SENP1: variants seen among roughly 807,000 people sequenced by gnomAD.
SENP1 encodes sentrin-specific protease 1.
A neutral mutation model predicts 93.0 loss-of-function variants in SENP1; 21 were observed. That is an observed-to-expected ratio of 0.23 (90% CI 0.16 to 0.33). The LOEUF is 0.33. Among genes scored for constraint, SENP1 ranks in the 10% least tolerant of loss-of-function variants. The pLI is 1.00. For synonymous variants in SENP1, 256 were observed against 259.6 expected, an observed-to-expected ratio of 0.99 and a Z score of 0.13; for missense variants, 591 against 758.7, an observed-to-expected ratio of 0.78 and a Z score of 2.60.
At chr12:48,097,103 T>C (rs1331287049) in intron 3 of SENP1, among the ~76,000 whole-genome samples, 4 of 152,224 alleles carry the variant, frequency 2.6e-5, no homozygotes, top group African/African-American at 7.2e-5. Flanking sequence ...ATATTTGTTA[T>C]ACAATTTAAT....
rs572826322 is a variant in SENP1 at position 48,071,521 on chromosome 12, CAGA to C, written c.995+143_995+145del. 7.7e-4 allele frequency: 407 copies of C among 531,530 alleles called. 2 individuals carry two copies. In the East Asian group the frequency reaches 0.012, roughly 15 times the overall value. The allele number at this position is 531,530 out of a possible 1,614,324, so 32.9% of individuals were successfully genotyped here. A position where few individuals can be genotyped will look rare whatever the true frequency, so the allele number is the denominator to read the frequency against. ...ATCCTAGCTACTCGGGAGGCTGAGGCAGAAGAATTGCTTGAACCAGGGAGGTGG... is the reference window on the plus strand; with the variant it reads ...ATCCTAGCTACTCGGGAGGCTGAGGCAGAATTGCTTGAACCAGGGAGGTGG... On this transcript the variant is annotated intron_variant, in intron 9 of 17. Coordinates refer to ENST00000549518, the MANE Select transcript of SENP1 (RefSeq NM_001267594.2).
At chr12:48,069,269 C>T (rs1274458300) in intron 9 of SENP1, among the ~76,000 whole-genome samples, 2 of 150,906 alleles carry the variant, frequency 1.3e-5, no homozygotes, top group Admixed American at 1.3e-4. Flanking sequence ...TGTATAAAGG[C>T]AAAGAGGTAT....
At chr12:48,055,912 T>C (rs902273630) in intron 13 of SENP1, among the ~76,000 whole-genome samples, 1 of 139,082 alleles carries the variant, frequency 7.2e-6, no homozygotes, top group Admixed American at 7.5e-5. Context: ...TTAATATATT[T>C]ATATATTATA....
chr12:48,069,943 G>A (rs1045130160), intron 9 of SENP1, among the ~76,000 whole-genome samples: 4 of 152,236 alleles, frequency 2.6e-5, no homozygotes, highest in African/African-American at 4.8e-5. Flanking sequence ...TCTTCTCAAC[G>A]GAAAACTGAT....
chr12:48,057,537 T>C (rs552481690), intron 13 of SENP1, among the ~76,000 whole-genome samples: 5 of 145,518 alleles, frequency 3.4e-5, no homozygotes, highest in African/African-American at 1.2e-4. Context: ...ACCTGTATTA[T>C]ATATATTTTT....
At position 48,044,424 on chromosome 12, in the gene SENP1, A is replaced by G. The variant is rs543693749; in HGVS notation, c.*898T>C. ...TATATATGAAATTCTCTGTGGTTAG[A>G]AACATATTTAAACTAGCCACAGACC... On this transcript the variant is annotated 3_prime_UTR_variant, in exon 18 of 18. Coordinates refer to ENST00000549518, the MANE Select transcript of SENP1 (RefSeq NM_001267594.2). 5 of 151,274 alleles carry G rather than the reference A, an allele frequency of 3.3e-5. No homozygotes were observed. The highest frequency in any genetic ancestry group is 7.3e-5 in the African/African-American group (3 of 41,278). 9.4% of individuals were successfully genotyped at this position (151,274 alleles called of 1,614,324 possible).
At chr12:48,094,272 C>T (rs1170388542) in intron 4 of SENP1, among the ~76,000 whole-genome samples, 6 of 151,812 alleles carry the variant, frequency 4.0e-5, no homozygotes, top group African/African-American at 1.5e-4. Flanking sequence ...CCCAACTACT[C>T]GGGAGACTGA....
At chr12:48,099,835 A>AT (rs2137316200) in intron 2 of SENP1, among the ~76,000 whole-genome samples, 1 of 152,270 alleles carries the variant, frequency 6.6e-6, no homozygotes, top group South Asian at 2.1e-4. Context: ...CTGCCTGAAC[A>AT]TTTTTTTAAA....
chr12:48,105,888 G>C (rs1213728024), intron 1 of SENP1, 140 bp downstream of exon 1: 1 of 618,054 alleles, frequency 1.6e-6, no homozygotes, highest in Non-Finnish European at 2.9e-6. Context: ...AGGGGGCGGG[G>C]CAGAGGAAAA....
intron 4 of SENP1, among the ~76,000 whole-genome samples, chr12:48,092,781 G>A (rs1452459358): frequency 6.6e-6 from 1 of 152,150 alleles, no homozygotes; most frequent in African/African-American, 2.4e-5. Flanking sequence ...ATAAACATAA[G>A]AAAAATGTAA....
At chr12:48,078,162 G>A (rs1944230199) in intron 6 of SENP1, among the ~76,000 whole-genome samples, 1 of 150,978 alleles carries the variant, frequency 6.6e-6, no homozygotes, top group Non-Finnish European at 1.5e-5. Context: ...TTGGTTTTTT[G>A]TAGCTATTGT....
chr12:48,047,146 AG>A, intron 15 of SENP1, 84 bp from the exon 16 acceptor site: 1 of 817,394 alleles, frequency 1.2e-6, no homozygotes. Flanking sequence ...GACAATACCT[AG>A]GAACAAATTT....
intron 12 of SENP1, among the ~76,000 whole-genome samples, chr12:48,064,728 G>C (rs1220314987): frequency 6.6e-6 from 1 of 152,176 alleles, no homozygotes; most frequent in Non-Finnish European, 1.5e-5. Context: ...CCAGGCTGAA[G>C]TACGGTGGCA....
intron 15 of SENP1, 79 bp downstream of exon 15, chr12:48,047,922 C>A: frequency 1.1e-6 from 1 of 881,744 alleles, no homozygotes; most frequent in South Asian, 1.4e-5. Context: ...TTGAAGGTAT[C>A]AAACAACTGA....
chr12:48,055,181 A>C (rs1216316167), intron 13 of SENP1: 1 of 244,494 alleles, frequency 4.1e-6, no homozygotes, highest in African/African-American at 2.3e-5. Context: ...TGAAGGTGGT[A>C]TGCCTTAGAG....
At chr12:48,050,000 C>A (rs143835055) in intron 13 of SENP1, among the ~76,000 whole-genome samples, 7 of 152,036 alleles carry the variant, frequency 4.6e-5, no homozygotes, top group Admixed American at 2.0e-4. Context: ...GTTAATGAAA[C>A]GACATCTTCT....
rs141359692 is a variant in SENP1 at position 48,094,051 on chromosome 12, G to A, written c.220+2292C>T. Among the ~76,000 whole-genome samples the A allele has an allele frequency of 2.8e-3, 433 of 152,248 alleles. 1 individual carries two copies. The highest frequency in any genetic ancestry group is 8.9e-3 in the African/African-American group (368 of 41,546). On this transcript the variant is annotated intron_variant, in intron 4 of 17. Coordinates refer to ENST00000549518, the MANE Select transcript of SENP1 (RefSeq NM_001267594.2). ...ATGAGGTATGTACACACAGATAATC[G>A]GAAGAGATCACAGAGACTTGAGTTA...
chr12:48,071,043 C>G (rs566605090), intron 9 of SENP1, among the ~76,000 whole-genome samples: 4 of 152,262 alleles, frequency 2.6e-5, no homozygotes, highest in African/African-American at 7.2e-5. Flanking sequence ...ATGATTGTGC[C>G]ACTGCACTCT....
At position 48,088,987 on chromosome 12, in the gene SENP1, T is replaced by G. The variant is rs180886551; in HGVS notation, c.221-27A>C. 4.4e-3 allele frequency: 6,909 copies of G among 1,577,654 alleles called. 28 individuals carry two copies. The highest frequency in any genetic ancestry group is 5.5e-3 in the Non-Finnish European group (6,363 of 1,162,190). ...TAAAAAAATAAAAGTTTGAATAAAT[T>G]AAACAAATTCTACAGGTGGTTCTCC... On this transcript the variant is annotated intron_variant, in intron 4 of 17. Transcript: ENST00000549518.
Sources: gnomAD v4.1 joint callset for allele counts (sites outside exome capture counted in the v4.1 genomes callset) on GRCh38, gnomAD v4.1.1 for gene constraint, MANE v1.5 for transcripts, NCBI Gene and HGNC (gene_info 2026-07-23, HGNC 2026-07-21) for gene names.